Variants in PTGR1 observed in about 807,000 individuals in gnomAD.
The protein encoded by PTGR1 is prostaglandin reductase 1.
Under a neutral mutation model 37.7 loss-of-function variants are expected in PTGR1, and 23 were observed. The observed-to-expected ratio is 0.61, with a 90% CI of 0.44 to 0.86. The LOEUF (loss-of-function observed/expected upper bound fraction) is 0.86, where lower values mean the gene tolerates loss of function less well. PTGR1 is among the 40% of genes least tolerant of loss of function. PTGR1 has a pLI of 0.00. For synonymous variants in PTGR1, 134 were observed against 140.0 expected, an observed-to-expected ratio of 0.96 and a Z score of 0.30; for missense variants, 351 against 394.3, an observed-to-expected ratio of 0.89 and a Z score of 0.93.
chr9:111,581,383 T>C (rs539297401), intron 6 of PTGR1, among the ~76,000 whole-genome samples: 1 of 152,312 alleles, frequency 6.6e-6, no homozygotes, highest in Non-Finnish European at 1.5e-5. Context: ...AAGAAAAACG[T>C]TGGTCTTCAG....
At chr9:111,597,198 A>T (rs1829805866) in intron 2 of PTGR1, 119 bp downstream of exon 2, 4 of 769,788 alleles carry the variant, frequency 5.2e-6, no homozygotes, top group Admixed American at 2.5e-5. Context: ...AACCCAAAGA[A>T]TTGTGAACTA....
chr9:111,580,070 G>C (rs2132399003), intron 6 of PTGR1, among the ~76,000 whole-genome samples: 1 of 152,102 alleles, frequency 6.6e-6, no homozygotes, highest in Middle Eastern at 3.4e-3. Flanking sequence ...GCCCTCCTTG[G>C]TCCTTTTTCC....
chr9:111,580,443 T>G (rs532885579), intron 6 of PTGR1, among the ~76,000 whole-genome samples: 4 of 152,172 alleles, frequency 2.6e-5, no homozygotes, highest in Non-Finnish European at 4.4e-5. Context: ...CTTCCTCTTT[T>G]TTAACCAAAC....
At chr9:111,562,266 A>T (rs1291517848), downstream of PTGR1, among the ~76,000 whole-genome samples, 2 of 149,214 alleles carry the variant, frequency 1.3e-5, no homozygotes, top group Non-Finnish European at 3.0e-5. Flanking sequence ...AAGGTCACAG[A>T]AGCAGTAAAC....
chr9:111,563,947 T>C (rs1828430013), intron 9 of PTGR1: 1 of 155,024 alleles, frequency 6.5e-6, no homozygotes, highest in African/African-American at 2.4e-5. Flanking sequence ...GAAATATAAA[T>C]GGCAGGACAG....
intron 2 of PTGR1, among the ~76,000 whole-genome samples, chr9:111,595,758 C>A (rs946465839): frequency 2.0e-5 from 3 of 152,140 alleles, no homozygotes; most frequent in Non-Finnish European, 2.9e-5. Context: ...CTCAGCCTCC[C>A]AAATAGCTGG....
chr9:111,562,259 G>A (rs796633801), downstream of PTGR1, among the ~76,000 whole-genome samples: 11 of 150,596 alleles, frequency 7.3e-5, no homozygotes, highest in African/African-American at 2.7e-4. Flanking sequence ...GAAGTCTAAG[G>A]TCACAGAAGC....
chr9:111,576,362 C>A, intron 7 of PTGR1: 1 of 1,614,022 alleles, frequency 6.2e-7, no homozygotes, highest in South Asian at 1.1e-5. Context: ...TGGTCACTTG[C>A]AGACATACAT....
downstream of PTGR1, among the ~76,000 whole-genome samples, chr9:111,559,733 T>C (rs1376933344): frequency 4.0e-4 from 61 of 152,258 alleles, no homozygotes; most frequent in Admixed American, 4.0e-3. Flanking sequence ...CTGTGGGCCA[T>C]AGAGGTTCTC....
At position 111,571,361 on chromosome 9, in the gene PTGR1, A is replaced by G. The variant is rs972862781; in HGVS notation, c.761-1152T>C. Reference sequence around the variant, plus strand: ...CGGAAGGGGACTGCAGTGAGCTGAGATTGCACCACTCCACTCCAGCCTGGG... The same window carrying G: ...CGGAAGGGGACTGCAGTGAGCTGAGGTTGCACCACTCCACTCCAGCCTGGG... On this transcript the variant is annotated intron_variant, in intron 8 of 9. Transcript: ENST00000407693. 7.3e-5 allele frequency among the ~76,000 whole-genome samples: 11 copies of G among 149,884 alleles called. 1 individual carries two copies. In the Admixed American group the frequency reaches 7.5e-4, roughly 10 times the overall value.
At chr9:111,590,789 C>G (rs1240311402) in intron 4 of PTGR1, among the ~76,000 whole-genome samples, 1 of 152,088 alleles carries the variant, frequency 6.6e-6, no homozygotes, top group Non-Finnish European at 1.5e-5. Context: ...GTAAAGAATA[C>G]ACAGATACAC....
intron 5 of PTGR1, 87 bp downstream of exon 5, chr9:111,585,911 T>C (rs1029447997): frequency 1.1e-5 from 16 of 1,485,178 alleles, no homozygotes; most frequent in Non-Finnish European, 1.4e-5. Context: ...ATCAAATATC[T>C]TCCTGTTGAC....
At chr9:111,596,596 CA>C (rs566371612) in intron 2 of PTGR1, among the ~76,000 whole-genome samples, 415 of 129,936 alleles carry the variant, frequency 3.2e-3, no homozygotes, top group Middle Eastern at 0.012. Context: ...ACTAAAAATA[CA>C]AAAAAAAAAA....
At chr9:111,564,608 G>T (rs1159768713) in intron 9 of PTGR1, among the ~76,000 whole-genome samples, 1 of 151,848 alleles carries the variant, frequency 6.6e-6, no homozygotes. Context: ...GCCTGGCTGA[G>T]ATTTGAACTT....
intron 9 of PTGR1, among the ~76,000 whole-genome samples, chr9:111,555,670 A>G (rs1828101977): frequency 6.6e-6 from 1 of 152,000 alleles, no homozygotes; most frequent in Non-Finnish European, 1.5e-5. Context: ...AGCAGGGGAG[A>G]GCAAAAAGGG....
chr9:111,562,895 C>G lies in PTGR1; in HGVS notation c.*226G>C. The G allele has an allele frequency of 8.0e-7, 1 of 1,252,244 alleles. No homozygotes were observed. The highest frequency in any genetic ancestry group is 1.0e-6 in the Non-Finnish European group (1 of 974,888). The allele number at this position is 1,252,244 out of a possible 1,614,324, so 77.6% of individuals were successfully genotyped here. A position where few individuals can be genotyped will look rare whatever the true frequency, so the allele number is the denominator to read the frequency against. ...AAAGCCATTATTTTCTACCACAACT[C>G]AGAAGAAGCTGTAGTGAACAGTGAG... On this transcript the variant is annotated 3_prime_UTR_variant, in exon 10 of 10. Transcript: ENST00000407693.
At chr9:111,590,113 C>T (rs907117221) in intron 4 of PTGR1, among the ~76,000 whole-genome samples, 2 of 151,906 alleles carry the variant, frequency 1.3e-5, no homozygotes, top group Admixed American at 6.6e-5. Flanking sequence ...CCTGAACATA[C>T]GAGAAGCTTT....
At chr9:111,583,675 T>C in intron 5 of PTGR1, 86 bp from the exon 6 acceptor site, 1 of 1,091,844 alleles carries the variant, frequency 9.2e-7, no homozygotes, top group Middle Eastern at 2.1e-4. Flanking sequence ...GCCTTCTCAG[T>C]GGCCCAGTGC....
Position 111,587,442 on chromosome 9 carries a change from T to C in PTGR1, c.210-1277A>G, listed in dbSNP as rs1829469744. ...TAATGGTATATTTAAAAATGTATAC[T>C]ATATGTATGTATTTATTTATTTATT... On this transcript the variant is annotated intron_variant, in intron 4 of 9. Transcript: ENST00000407693. 3.9e-5 allele frequency among the ~76,000 whole-genome samples: 6 copies of C among 152,314 alleles called. No individual in the cohort carries two copies. The South Asian group carries it at 1.2e-3, about 32-fold the overall frequency.
Sources: gnomAD v4.1 joint callset for allele counts (sites outside exome capture counted in the v4.1 genomes callset) on GRCh38, gnomAD v4.1.1 for gene constraint, MANE v1.5 for transcripts, NCBI Gene and HGNC (gene_info 2026-07-23, HGNC 2026-07-21) for gene names.